Variants in PPP1R9A observed in about 807,000 individuals in gnomAD.
PPP1R9A encodes protein phosphatase 1 regulatory subunit 9A, also known as neurabin-1.
A neutral mutation model predicts 141.9 loss-of-function variants in PPP1R9A; 59 were observed. The ratio of observed to expected loss-of-function variants is 0.42; its 90% CI spans 0.34 to 0.52. The LOEUF is 0.52. PPP1R9A is among the 20% of genes least tolerant of loss of function. The pLI is 0.10. For synonymous variants in PPP1R9A, 500 were observed against 569.7 expected, an observed-to-expected ratio of 0.88 and a Z score of 1.74; for missense variants, 1,444 against 1,611.9, an observed-to-expected ratio of 0.90 and a Z score of 1.78.
At chr7:95,246,897 G>C (rs1029615353) in intron 8 of PPP1R9A, among the ~76,000 whole-genome samples, 1 of 152,156 alleles carries the variant, frequency 6.6e-6, no homozygotes, top group Admixed American at 6.5e-5. Flanking sequence ...ATCTTTTGGA[G>C]GACAGAAATC....
At chr7:95,271,234 A>G (rs1353849126) in intron 14 of PPP1R9A, among the ~76,000 whole-genome samples, 1 of 152,214 alleles carries the variant, frequency 6.6e-6, no homozygotes, top group Non-Finnish European at 1.5e-5. Flanking sequence ...CATCTTAGAT[A>G]ACTTGCCATA....
chr7:95,162,397 A>G (rs1490875017), intron 5 of PPP1R9A, among the ~76,000 whole-genome samples: 2 of 152,334 alleles, frequency 1.3e-5, no homozygotes, highest in East Asian at 3.9e-4. Flanking sequence ...AAATGTATAC[A>G]TTCTTTTAAG....
At chr7:95,280,958 C>G (rs1352179629) in intron 16 of PPP1R9A, among the ~76,000 whole-genome samples, 1 of 152,150 alleles carries the variant, frequency 6.6e-6, no homozygotes, top group East Asian at 1.9e-4. Context: ...CTGCCAAACC[C>G]TTTCTGCTTC....
At chr7:95,141,043 C>T (rs925091408) in intron 4 of PPP1R9A, among the ~76,000 whole-genome samples, 3 of 152,122 alleles carry the variant, frequency 2.0e-5, no homozygotes, top group Non-Finnish European at 4.4e-5. Flanking sequence ...ATGAAACCAC[C>T]ACAATAAACA....
rs1408784742 is a variant in PPP1R9A, at chr7:94,911,266, G to A, written c.1153G>A (p.Glu385Lys). ...ATCCAGTTGTGGAAAAGAAGTACCT[G>A]AAGATTCAAATAATTTTGATGGTTC... ...SASSCGKEVPEDSNNFDGSHV... is the reference protein window; with the variant it reads ...SASSCGKEVPKDSNNFDGSHV... Residue 385 changes from glutamate (E) to lysine (K), a missense_variant, in exon 2 of 20, where the codon GAA becomes AAA. By Grantham distance (56) the Glu-to-Lys change is moderately conservative. Coordinates refer to ENST00000433360, the MANE Select transcript of PPP1R9A (RefSeq NM_001166160.2). The A allele has an allele frequency of 1.2e-6, 2 of 1,614,042 alleles. No individual in the cohort carries two copies. Among genetic ancestry groups the A allele is most frequent in the Admixed American group, 3.3e-5 (2 of 60,004 alleles).
At chr7:95,193,880 A>C (rs887202550) in intron 5 of PPP1R9A, among the ~76,000 whole-genome samples, 1 of 152,110 alleles carries the variant, frequency 6.6e-6, no homozygotes, top group African/African-American at 2.4e-5. Flanking sequence ...CTTTCAGAGA[A>C]AATGAACTTT....
chr7:95,046,113 C>G (rs1366954703), intron 2 of PPP1R9A, among the ~76,000 whole-genome samples: 1 of 146,034 alleles, frequency 6.8e-6, no homozygotes, highest in Non-Finnish European at 1.5e-5. Context: ...GAGTCTCGCT[C>G]TGCCGCCCAG....
At position 95,152,483 on chromosome 7, in the gene PPP1R9A, A is replaced by G. The variant is rs188173147; in HGVS notation, c.1650-9384A>G. On this transcript the variant is annotated intron_variant, in intron 4 of 19. Coordinates refer to ENST00000433360, the MANE Select transcript of PPP1R9A (RefSeq NM_001166160.2). ...ATTTACAGCTTCCGTTTTGTCCCAT[A>G]TGTTATAAATCAAGGCAAATAAAAA... is the stretch of plus-strand genomic sequence containing the variant. 2.6e-5 allele frequency among the ~76,000 whole-genome samples: 4 copies of G among 152,262 alleles called. No homozygotes were observed. In the East Asian group the frequency reaches 7.7e-4, roughly 29 times the overall value.
At position 94,990,358 on chromosome 7, in the gene PPP1R9A, A is replaced by T. The variant is rs143273064; in HGVS notation, c.1395+78850A>T. 6.5e-3 allele frequency among the ~76,000 whole-genome samples: 987 copies of T among 152,236 alleles called. 13 individuals are homozygous for T. Among genetic ancestry groups the T allele is most frequent in the African/African-American group, 0.023 (942 of 41,568 alleles). Reference sequence around the variant, plus strand: ...AGCACTAACATTATGTGATACTTTGAATATTGCACAGTGGAAAACATTAAA... The same window carrying T: ...AGCACTAACATTATGTGATACTTTGTATATTGCACAGTGGAAAACATTAAA... On this transcript the variant is annotated intron_variant, in intron 2 of 19. Transcript: ENST00000433360.
intron 2 of PPP1R9A, among the ~76,000 whole-genome samples, chr7:95,023,887 G>C (rs566256099): frequency 6.6e-6 from 1 of 152,030 alleles, no homozygotes; most frequent in African/African-American, 2.4e-5. Context: ...TTAGGGTGTC[G>C]ATTTTAGATC....
At chr7:95,000,900 A>C (rs543880255) in intron 2 of PPP1R9A, among the ~76,000 whole-genome samples, 12 of 152,224 alleles carry the variant, frequency 7.9e-5, no homozygotes, top group Admixed American at 6.5e-5. Flanking sequence ...GTTAAAGAGA[A>C]TGAAAAGGAA....
chr7:95,063,713 T>G (rs1812573806), intron 2 of PPP1R9A, among the ~76,000 whole-genome samples: 1 of 152,202 alleles, frequency 6.6e-6, no homozygotes. Flanking sequence ...ATAAACAGTT[T>G]TCTTGAAACT....
intron 7 of PPP1R9A, among the ~76,000 whole-genome samples, chr7:95,224,869 C>T (rs1332404588): frequency 6.6e-6 from 1 of 151,680 alleles, no homozygotes; most frequent in African/African-American, 2.4e-5. Flanking sequence ...AATATGAATT[C>T]CTGTCTCTGT....
chr7:95,212,437 T>G (rs1792326750), intron 7 of PPP1R9A, among the ~76,000 whole-genome samples: 1 of 152,156 alleles, frequency 6.6e-6, no homozygotes, highest in South Asian at 2.1e-4. Flanking sequence ...TTCAGATGAT[T>G]ATAGAGATCC....
chr7:95,175,254 A>ATTTG (rs1307897762), intron 5 of PPP1R9A, among the ~76,000 whole-genome samples: 6 of 99,782 alleles, frequency 6.0e-5, no homozygotes, highest in African/African-American at 1.0e-4. Flanking sequence ...ATCAATAACT[A>ATTTG]GTTGGATGGA....
intron 2 of PPP1R9A, chr7:95,108,741 A>G (rs760154842): frequency 6.6e-6 from 1 of 152,176 alleles, no homozygotes; most frequent in Non-Finnish European, 1.5e-5. Flanking sequence ...AATAGGGAAG[A>G]ACATTCTGAT....
At chr7:95,094,653 G>A (rs555513132) in intron 2 of PPP1R9A, among the ~76,000 whole-genome samples, 20 of 152,226 alleles carry the variant, frequency 1.3e-4, no homozygotes, top group African/African-American at 4.6e-4. Flanking sequence ...GCCAAGGCAC[G>A]TGGATCATTT....
At chr7:95,157,364 C>G (rs1391494770) in intron 4 of PPP1R9A, among the ~76,000 whole-genome samples, 1 of 152,128 alleles carries the variant, frequency 6.6e-6, no homozygotes, top group Non-Finnish European at 1.5e-5. Flanking sequence ...AAGGGAAGCT[C>G]CATTCTGCAG....
At chr7:95,062,635 G>T (rs112155693) in intron 2 of PPP1R9A, among the ~76,000 whole-genome samples, 3,706 of 151,920 alleles carry the variant, frequency 0.024, 166 homozygotes, top group African/African-American at 0.085. Context: ...TGATCTGCCC[G>T]CCTCGGCCTC....
Sources: allele counts gnomAD v4.1 joint callset (sites outside exome capture counted in the v4.1 genomes callset), GRCh38; gene constraint gnomAD v4.1.1; transcripts MANE v1.5; gene names NCBI Gene and HGNC (gene_info 2026-07-23, HGNC 2026-07-21).